Variants in ACSL5 observed in about 807,000 individuals in gnomAD.
ACSL5 encodes long-chain-fatty-acid--CoA ligase 5.
ACSL5 carries 50 observed loss-of-function variants against 84.9 expected under a neutral mutation model. The observed-to-expected ratio is 0.59, with a 90% confidence interval of 0.47 to 0.75. The LOEUF (loss-of-function observed/expected upper bound fraction) is 0.75. Among genes scored for constraint, ACSL5 ranks in the 30% least tolerant of loss-of-function variants. ACSL5 has a pLI of 0.00. For synonymous variants in ACSL5, 280 were observed against 300.7 expected (o/e 0.93, Z 0.71); for missense variants, 775 against 830.4 (o/e 0.93, Z 0.82).
intron 1 of ACSL5, among the ~76,000 whole-genome samples, chr10:112,381,837 C>T (rs899128480): frequency 9.9e-5 from 15 of 151,388 alleles, no homozygotes; most frequent in African/African-American, 2.7e-4. Context: ...CGTGGTGGCA[C>T]GTGCCTGTAG....
In ACSL5 at chr10:112,400,441, G is replaced by A. The variant is rs540441222; in HGVS notation, c.265+1432G>A. ...TTTTTTTTTTTTGAGATGGAGTCTC[G>A]CTCTGTTGCCCAGGCTGGAGTGCAG... is the stretch of plus-strand genomic sequence containing the variant. On this transcript the variant is annotated intron_variant, in intron 3 of 20. Transcript: ENST00000354655. 5.1e-5 allele frequency among the ~76,000 whole-genome samples: 6 copies of A among 117,334 alleles called. No homozygotes were observed. In the East Asian group the frequency reaches 1.0e-3, roughly 20 times the overall value. 77.0% of individuals were successfully genotyped at this position (117,334 alleles called of 152,430 possible).
intron 1 of ACSL5, among the ~76,000 whole-genome samples, chr10:112,390,185 A>G (rs757280046): frequency 6.6e-5 from 10 of 151,940 alleles, no homozygotes; most frequent in Admixed American, 2.0e-4. Flanking sequence ...TGTTGTGTGT[A>G]TATATATATA....
chr10:112,418,808 T>G (rs1320382910), intron 14 of ACSL5: 1 of 154,968 alleles, frequency 6.5e-6, no homozygotes, highest in East Asian at 1.9e-4. Context: ...AAATGGATCA[T>G]CATAAAGGTC....
chr10:112,408,345 G>A, intron 5 of ACSL5, 77 bp from the exon 6 acceptor site: 1 of 881,306 alleles, frequency 1.1e-6, no homozygotes, highest in Non-Finnish European at 1.8e-6. Context: ...AAACCAGACA[G>A]CATTTGTTGG....
intron 1 of ACSL5, among the ~76,000 whole-genome samples, chr10:112,390,178 T>C (rs1849528645): frequency 6.6e-6 from 1 of 152,184 alleles, no homozygotes; most frequent in Admixed American, 6.5e-5. Flanking sequence ...TGATAAGTGT[T>C]GTGTGTATAT....
Position 112,422,341 on chromosome 10 carries a change from C to A in ACSL5, c.1493C>A (p.Thr498Lys). 6.2e-7 allele frequency: 1 copy of A among 1,614,042 alleles called. No individual in the cohort carries two copies. The highest frequency in any genetic ancestry group is 8.5e-7 in the Non-Finnish European group (1 of 1,179,968). ...GCTGTGCAGGTCTGCATCAAGGGTA[C>A]AAACGTGTTCAAAGGATACCTGAAG... ...NNEGEVCIKG[T>K]NVFKGYLKDP... Residue 498 changes from threonine to lysine, a missense_variant, in exon 17 of 21, where the codon ACA becomes AAA. Physicochemically the swap from Thr to Lys is moderately conservative, Grantham distance 78 (BLOSUM62 -1). Transcript: ENST00000354655.
chr10:112,393,249 G>T (rs1257059230), intron 1 of ACSL5, among the ~76,000 whole-genome samples: 1 of 152,092 alleles, frequency 6.6e-6, no homozygotes, highest in African/African-American at 2.4e-5. Flanking sequence ...ATGGGACCTG[G>T]CTTTTATTTT....
chr10:112,392,197 C>T (rs750201634), intron 1 of ACSL5, among the ~76,000 whole-genome samples: 9 of 152,150 alleles, frequency 5.9e-5, no homozygotes, highest in South Asian at 2.1e-4. Context: ...TTGGGGTGGT[C>T]GTGGTGGCTC....
intron 1 of ACSL5, among the ~76,000 whole-genome samples, chr10:112,376,836 A>G (rs1436925477): frequency 1.3e-5 from 2 of 151,988 alleles, no homozygotes; most frequent in African/African-American, 4.8e-5. Context: ...GGTGGGAGAG[A>G]CAGATGAATG....
At chr10:112,426,487 C>A in intron 19 of ACSL5, 128 bp downstream of exon 19, 1 of 731,842 alleles carries the variant, frequency 1.4e-6, no homozygotes, top group Non-Finnish European at 2.3e-6. Context: ...TTATGGGACT[C>A]GGGGATAGGA....
intron 1 of ACSL5, among the ~76,000 whole-genome samples, chr10:112,386,163 T>C (rs921136440): frequency 3.4e-5 from 5 of 145,980 alleles, no homozygotes; most frequent in African/African-American, 1.3e-4. Context: ...TCATGACCAA[T>C]AGAAAACTCC....
intron 1 of ACSL5, among the ~76,000 whole-genome samples, chr10:112,380,202 T>C (rs1016591047): frequency 6.6e-6 from 1 of 152,158 alleles, no homozygotes; most frequent in Non-Finnish European, 1.5e-5. Flanking sequence ...CCTGTGGGAT[T>C]TGTCACTTCT....
Position 112,417,028 on chromosome 10 carries a change from T to C in ACSL5, c.1218+6T>C, listed in dbSNP as rs748473115. 1 of 1,613,424 alleles carries C rather than the reference T, an allele frequency of 6.2e-7. No homozygotes were observed. The highest frequency in any genetic ancestry group is 8.5e-7 in the Non-Finnish European group (1 of 1,179,552). The stretch of plus-strand genomic sequence containing the variant: ...TCATCTTTGCAAAGATCCAGGTAGG[T>C]TGGGCAGGTCCTGGACTGAAGCAGG... On this transcript the variant is annotated splice_donor_region_variant and intron_variant, in intron 13 of 20. Coordinates refer to ENST00000354655, the MANE Select transcript of ACSL5 (RefSeq NM_203379.2).
intron 17 of ACSL5, among the ~76,000 whole-genome samples, chr10:112,423,781 A>T (rs760368679): frequency 6.6e-6 from 1 of 152,086 alleles, no homozygotes; most frequent in Non-Finnish European, 1.5e-5. Flanking sequence ...GGGAAGGGAG[A>T]TGTACTACTC....
intron 17 of ACSL5, among the ~76,000 whole-genome samples, chr10:112,422,972 A>G (rs1326505002): frequency 6.7e-6 from 1 of 149,798 alleles, no homozygotes; most frequent in Non-Finnish European, 1.5e-5. Context: ...GCGGATCACA[A>G]GGTCAGGAGA....
chr10:112,424,464 A>G (rs1844593063), intron 17 of ACSL5: 1 of 152,250 alleles, frequency 6.6e-6, no homozygotes, highest in South Asian at 2.1e-4. Flanking sequence ...GTTTGGTAGT[A>G]TCTTGCTAAT....
intron 2 of ACSL5, among the ~76,000 whole-genome samples, chr10:112,395,641 A>G (rs923712032): frequency 6.6e-6 from 1 of 152,210 alleles, no homozygotes; most frequent in Admixed American, 6.5e-5. Flanking sequence ...TAAAAATTGA[A>G]TTAGGCTCAC....
At chr10:112,384,253 G>A (rs959278745) in intron 1 of ACSL5, among the ~76,000 whole-genome samples, 1 of 151,860 alleles carries the variant, frequency 6.6e-6, no homozygotes, top group African/African-American at 2.4e-5. Flanking sequence ...CCCTACTCTT[G>A]TTGTTTTTGT....
intron 12 of ACSL5, among the ~76,000 whole-genome samples, chr10:112,415,598 G>A (rs1844297149): frequency 6.6e-6 from 1 of 152,216 alleles, no homozygotes; most frequent in Non-Finnish European, 1.5e-5. Context: ...ATTTGAGCAT[G>A]GATCTTGGAG....
Sources: allele counts gnomAD v4.1 joint callset (sites outside exome capture counted in the v4.1 genomes callset), GRCh38; gene constraint gnomAD v4.1.1; transcripts MANE v1.5; gene names NCBI Gene and HGNC (gene_info 2026-07-23, HGNC 2026-07-21).